SPON1: variants seen among roughly 807,000 people sequenced by gnomAD.
SPON1 encodes the protein spondin 1.
SPON1 carries 52 observed loss-of-function variants against 111.7 expected under a neutral mutation model. The observed-to-expected ratio is 0.47, with a 90% CI of 0.37 to 0.59. The LOEUF (loss-of-function observed/expected upper bound fraction) is 0.59. SPON1 is among the 20% of genes least tolerant of loss of function. The probability of loss-of-function intolerance (pLI) is 0.00; values close to 1 mark genes in which losing one functional copy is unlikely to be tolerated. For synonymous variants in SPON1, 410 were observed against 395.8 expected (o/e 1.04, Z -0.43); for missense variants, 957 against 1,068.5 (o/e 0.90, Z 1.46).
chr11:14,091,232 T>TC (rs1849053119), intron 5 of SPON1, among the ~76,000 whole-genome samples: 1 of 152,188 alleles, frequency 6.6e-6, no homozygotes, highest in African/African-American at 2.4e-5. Flanking sequence ...ACTCTCCACG[T>TC]CCCCACCAGA....
intron 2 of SPON1, among the ~76,000 whole-genome samples, chr11:14,020,366 G>C (rs973139270): frequency 6.6e-6 from 1 of 152,236 alleles, no homozygotes; most frequent in African/African-American, 2.4e-5. Flanking sequence ...GTAAAAAGCT[G>C]TCAGAGTTGG....
At chr11:14,090,677 G>A (rs1849043866) in intron 5 of SPON1, among the ~76,000 whole-genome samples, 1 of 152,048 alleles carries the variant, frequency 6.6e-6, no homozygotes, top group Admixed American at 6.5e-5. Context: ...CACGGTGAGT[G>A]TTACAGCTCA....
chr11:14,058,975 G>A (rs1212330446), intron 3 of SPON1, among the ~76,000 whole-genome samples: 1 of 152,196 alleles, frequency 6.6e-6, no homozygotes, highest in Non-Finnish European at 1.5e-5. Context: ...AGGGGATTAT[G>A]TCTTTTATAA....
chr11:14,065,687 A>G (rs373043192), intron 3 of SPON1, among the ~76,000 whole-genome samples: 2 of 152,170 alleles, frequency 1.3e-5, no homozygotes, highest in Non-Finnish European at 2.9e-5. Context: ...CTGCGTATCT[A>G]CTGTCATATA....
At chr11:14,202,604 C>A (rs1212057911) in intron 6 of SPON1, among the ~76,000 whole-genome samples, 1 of 152,178 alleles carries the variant, frequency 6.6e-6, no homozygotes, top group Non-Finnish European at 1.5e-5. Context: ...AGCCCTTCCC[C>A]CTCAGCTAAC....
chr11:14,010,881 C>G (rs1470519108), intron 2 of SPON1, among the ~76,000 whole-genome samples: 1 of 152,220 alleles, frequency 6.6e-6, no homozygotes, highest in South Asian at 2.1e-4. Context: ...GCATTTCTGT[C>G]TACTGCAGAT....
At chr11:14,184,821 C>A (rs1350781912) in intron 6 of SPON1, among the ~76,000 whole-genome samples, 1 of 152,212 alleles carries the variant, frequency 6.6e-6, no homozygotes, top group Non-Finnish European at 1.5e-5. Flanking sequence ...TTTGCCCCTC[C>A]AGCCTTTGGG....
intron 6 of SPON1, among the ~76,000 whole-genome samples, chr11:14,199,105 A>G (rs1848433741): frequency 1.3e-5 from 2 of 152,192 alleles, no homozygotes; most frequent in South Asian, 4.1e-4. Flanking sequence ...GCACCTAAAT[A>G]TCAGCCCTGT....
intron 5 of SPON1, among the ~76,000 whole-genome samples, chr11:14,103,496 G>A (rs1293093107): frequency 6.6e-6 from 1 of 152,196 alleles, no homozygotes; most frequent in African/African-American, 2.4e-5. Flanking sequence ...TGAGAGAACT[G>A]CAATAGTCCT....
At chr11:14,006,605 A>G (rs1591348351) in intron 2 of SPON1, among the ~76,000 whole-genome samples, 1 of 151,692 alleles carries the variant, frequency 6.6e-6, no homozygotes, top group African/African-American at 2.4e-5. Flanking sequence ...GGTCCATTGA[A>G]CCCTCTGCTG....
At chr11:14,231,067 C>T (rs1187553682) in intron 6 of SPON1, among the ~76,000 whole-genome samples, 1 of 152,064 alleles carries the variant, frequency 6.6e-6, no homozygotes, top group Non-Finnish European at 1.5e-5. Context: ...CTTGCCTTAG[C>T]CTTCCAAAGT....
chr11:14,255,416 T>G (rs1286465664), intron 8 of SPON1, among the ~76,000 whole-genome samples: 1 of 152,232 alleles, frequency 6.6e-6, no homozygotes, highest in Non-Finnish European at 1.5e-5. Flanking sequence ...CTCTGAAACT[T>G]GGCTTCTTCA....
At chr11:13,997,346 C>T (rs895041847) in intron 2 of SPON1, among the ~76,000 whole-genome samples, 3 of 152,154 alleles carry the variant, frequency 2.0e-5, no homozygotes, top group Non-Finnish European at 4.4e-5. Context: ...ATCATTAGAT[C>T]ATTGGACTAG....
chr11:14,058,112 T>C (rs1848761524), intron 3 of SPON1, among the ~76,000 whole-genome samples: 1 of 152,086 alleles, frequency 6.6e-6, no homozygotes, highest in Admixed American at 6.5e-5. Flanking sequence ...TTTTTTTCTT[T>C]TCTCCCTGGC....
At chr11:14,035,005 T>C (rs2133810431) in intron 2 of SPON1, among the ~76,000 whole-genome samples, 1 of 152,308 alleles carries the variant, frequency 6.6e-6, no homozygotes, top group East Asian at 1.9e-4. Flanking sequence ...ATCACATTGT[T>C]TGGAAACCTA....
chr11:14,002,117 GA>G (rs1408611124), intron 2 of SPON1, among the ~76,000 whole-genome samples: 1 of 152,192 alleles, frequency 6.6e-6, no homozygotes, highest in Non-Finnish European at 1.5e-5. Context: ...GAACAAGAAG[GA>G]AAGTGAGAGT....
At position 13,962,848 on chromosome 11, in the gene SPON1, G is replaced by A. The variant is rs1847983860; in HGVS notation, c.-57G>A. On this transcript the variant is annotated 5_prime_UTR_variant, in exon 1 of 16. Transcript: ENST00000576479. ...TCGCGCCTTCGTCGGGACCACTTCG[G>A]GCAGGAGTCGCGTGGCGAAGGCCTG... The A allele has an allele frequency of 7.2e-7, 1 of 1,391,946 alleles. No homozygotes were observed. Among genetic ancestry groups the A allele is most frequent in the Admixed American group, 3.1e-5 (1 of 32,016 alleles). 86.2% of individuals were successfully genotyped at this position (1,391,946 alleles called of 1,614,324 possible).
At chr11:14,201,232 T>G (rs1247081072) in intron 6 of SPON1, among the ~76,000 whole-genome samples, 2 of 151,452 alleles carry the variant, frequency 1.3e-5, no homozygotes, top group African/African-American at 2.4e-5. Context: ...CCCAGCTACT[T>G]GGGAGGCTGA....
At chr11:14,205,077 A>C (rs549912252) in intron 6 of SPON1, among the ~76,000 whole-genome samples, 1 of 152,194 alleles carries the variant, frequency 6.6e-6, no homozygotes, top group African/African-American at 2.4e-5. Flanking sequence ...CCTTCTCTCT[A>C]TATCAAAGTT....
Sources: allele counts gnomAD v4.1 joint callset (sites outside exome capture counted in the v4.1 genomes callset), GRCh38; gene constraint gnomAD v4.1.1; transcripts MANE v1.5; gene names NCBI Gene and HGNC (gene_info 2026-07-23, HGNC 2026-07-21).